The following PPM1H variants were observed in gnomAD, a reference collection of about 807,000 sequenced individuals.
The protein encoded by PPM1H is protein phosphatase, Mg2+/Mn2+ dependent 1H, also known as protein phosphatase 1H.
A neutral mutation model predicts 54.9 loss-of-function variants in PPM1H; 27 were observed. That is an observed-to-expected ratio of 0.49 (90% CI 0.36 to 0.68). PPM1H has a LOEUF of 0.68. Among genes scored for constraint, PPM1H ranks in the 30% least tolerant of loss-of-function variants. The pLI, the probability that PPM1H is intolerant of heterozygous loss-of-function variation, is 0.00. For synonymous variants in PPM1H, 305 were observed against 270.8 expected, an observed-to-expected ratio of 1.13 and a Z score of -1.24; for missense variants, 596 against 667.8, an observed-to-expected ratio of 0.89 and a Z score of 1.19.
At chr12:62,706,609 T>C (rs1413127677) in intron 6 of PPM1H, among the ~76,000 whole-genome samples, 4 of 152,204 alleles carry the variant, frequency 2.6e-5, no homozygotes, top group African/African-American at 9.7e-5. Context: ...ATAGAAACAT[T>C]ATCCTCATTA....
chr12:62,737,551 A>G lies in PPM1H; in HGVS notation c.905T>C (p.Met302Thr). The G allele has an allele frequency of 6.3e-7, 1 of 1,587,392 alleles. No individual in the cohort carries two copies. Among genetic ancestry groups the G allele is most frequent in the Non-Finnish European group, 8.6e-7 (1 of 1,165,904 alleles). ...CGTCTCGGGGGTAAATTCTGAAGAC[A>G]TGGGGATAATTTCTCCATTTCTGAT... Reference protein sequence around the residue: ...IIIRNGEIIPMSSEFTPETER... With the variant: ...IIIRNGEIIPTSSEFTPETER... The change falls in exon 5 of 10, where the codon ATG (methionine) becomes ACG (threonine). Residue 302 changes from methionine to threonine, a missense_variant. This residue lies in a region of PPM1H where 6 missense variants were observed against 21.2 expected (regional missense o/e 0.28). Coordinates refer to ENST00000228705, the MANE Select transcript of PPM1H (RefSeq NM_020700.2).
At chr12:62,655,181 T>G (rs1207633815) in intron 9 of PPM1H, among the ~76,000 whole-genome samples, 1 of 152,146 alleles carries the variant, frequency 6.6e-6, no homozygotes. Context: ...ATAGATTCAT[T>G]AACTCAACAC....
chr12:62,757,760 A>G (rs2076484712), intron 4 of PPM1H, among the ~76,000 whole-genome samples: 1 of 152,228 alleles, frequency 6.6e-6, no homozygotes, highest in Admixed American at 6.5e-5. Context: ...CCCAATTTCT[A>G]TGGACTTATC....
chr12:62,783,914 A>G, intron 4 of PPM1H, among the ~76,000 whole-genome samples: 1 of 152,206 alleles, frequency 6.6e-6, no homozygotes. Context: ...TGATCTCTAA[A>G]ATGGAGTTCC....
At chr12:62,899,295 G>A (rs1871087756) in intron 1 of PPM1H, among the ~76,000 whole-genome samples, 1 of 152,104 alleles carries the variant, frequency 6.6e-6, no homozygotes, top group Admixed American at 6.6e-5. Flanking sequence ...CAAAAGCTGG[G>A]CGTGGTGGCT....
chr12:62,777,329 A>C (rs11174643), intron 4 of PPM1H, among the ~76,000 whole-genome samples: 19,550 of 152,136 alleles, frequency 0.13, 1,592 homozygotes, highest in African/African-American at 0.24. Context: ...TTGTAAATGG[A>C]TGCCTGACTG....
intron 2 of PPM1H, among the ~76,000 whole-genome samples, chr12:62,822,570 G>C (rs2076910832): frequency 6.6e-6 from 1 of 152,118 alleles, no homozygotes; most frequent in South Asian, 2.1e-4. Context: ...AATCAAATTA[G>C]AACTCAGGAT....
chr12:62,728,205 T>A (rs922846296), intron 5 of PPM1H, among the ~76,000 whole-genome samples: 2 of 152,258 alleles, frequency 1.3e-5, no homozygotes, highest in African/African-American at 4.8e-5. Flanking sequence ...CCAAGACTCT[T>A]AGGGACTCTA....
chr12:62,842,476 T>G (rs1868788881), intron 1 of PPM1H, among the ~76,000 whole-genome samples: 1 of 152,198 alleles, frequency 6.6e-6, no homozygotes, highest in Non-Finnish European at 1.5e-5. Context: ...ACAGAAGTAT[T>G]CTAATCTCAA....
In PPM1H at chr12:62,801,887, A is replaced by C. The variant is rs201432518; in HGVS notation, c.685T>G (p.Phe229Val). The stretch of plus-strand genomic sequence containing the variant: ...TGGGGAATCTTCTTCTCGGTAAAGA[A>C]GCGTGTGGGGGGCGTGCTGGGGGAG... ...PGSPSTPPTRFFTEKKIPHEC... is the reference protein window; with the variant it reads ...PGSPSTPPTRVFTEKKIPHEC... The change falls in exon 3 of 10, where the codon TTC becomes GTC. Residue 229 changes from phenylalanine to valine, a missense_variant. By Grantham distance (50) the Phe-to-Val change is conservative. Transcript: ENST00000228705. 33 of 1,613,718 alleles carry C rather than the reference A, an allele frequency of 2.0e-5. No homozygotes were observed. The highest frequency in any genetic ancestry group is 1.6e-4 in the Middle Eastern group (1 of 6,084).
intron 1 of PPM1H, among the ~76,000 whole-genome samples, chr12:62,893,400 T>C (rs561632948): frequency 7.2e-5 from 11 of 152,256 alleles, no homozygotes; most frequent in Admixed American, 2.0e-4. Flanking sequence ...AATCTCCTTT[T>C]CTTATAAGGA....
rs565908047 is a variant in PPM1H, at chr12:62,844,967, T to C, written c.246-12688A>G. Among the ~76,000 whole-genome samples, 1 of 152,326 alleles carries C rather than the reference T, an allele frequency of 6.6e-6. No individual in the cohort carries two copies. The highest frequency in any genetic ancestry group is 1.9e-4 in the East Asian group (1 of 5,186). On this transcript the variant is annotated intron_variant, in intron 1 of 9. Coordinates refer to ENST00000228705, the MANE Select transcript of PPM1H (RefSeq NM_020700.2). This position sits in a 1 kb window ranked among gnomAD's most constrained non-coding sequence, Gnocchi z 5.2. Reference sequence around the variant, plus strand: ...GATATGTTAAAGTGACCCCTAAACATTCTCCAGCAAAGAAGTAGCTGATAG... The same window carrying C: ...GATATGTTAAAGTGACCCCTAAACACTCTCCAGCAAAGAAGTAGCTGATAG...
chr12:62,914,703 C>T (rs1660193879), intron 1 of PPM1H, among the ~76,000 whole-genome samples: 1 of 152,182 alleles, frequency 6.6e-6, no homozygotes, highest in African/African-American at 2.4e-5. Context: ...CAATTATATG[C>T]ATCAGCCTAG....
At chr12:62,751,846 G>A (rs933022316) in intron 4 of PPM1H, among the ~76,000 whole-genome samples, 12 of 152,204 alleles carry the variant, frequency 7.9e-5, no homozygotes, top group Admixed American at 7.2e-4. Flanking sequence ...TTCAAAATAA[G>A]TTATATTACT....
intron 1 of PPM1H, among the ~76,000 whole-genome samples, chr12:62,889,011 C>G (rs181207659): frequency 6.8e-4 from 103 of 152,260 alleles, no homozygotes; most frequent in African/African-American, 2.3e-3. Flanking sequence ...TCAAACTAAA[C>G]TACCTAGAAT....
intron 9 of PPM1H, among the ~76,000 whole-genome samples, chr12:62,653,957 C>A (rs2075829516): frequency 1.3e-5 from 2 of 152,150 alleles, no homozygotes; most frequent in African/African-American, 4.8e-5. Flanking sequence ...ATAGAAAACA[C>A]CTGGCCAGGT....
intron 2 of PPM1H, among the ~76,000 whole-genome samples, chr12:62,821,191 A>C (rs1238175253): frequency 2.0e-5 from 3 of 152,250 alleles, no homozygotes; most frequent in Non-Finnish European, 4.4e-5. Flanking sequence ...GATCAAATTA[A>C]TGAAACAAAG....
chr12:62,647,603 A>C lies in PPM1H; in HGVS notation c.*886T>G, dbSNP rs999200778. ...TCCAGACTCTCACAGAGAACCCTTGAGCCACACAGGAAGACCACTGAAGAC... is the reference window on the plus strand; with the variant it reads ...TCCAGACTCTCACAGAGAACCCTTGCGCCACACAGGAAGACCACTGAAGAC... On this transcript the variant is annotated 3_prime_UTR_variant, in exon 10 of 10. Transcript: ENST00000228705. The C allele has an allele frequency of 1.3e-5, 2 of 152,308 alleles. No homozygotes were observed. The highest frequency in any genetic ancestry group is 2.4e-5 in the African/African-American group (1 of 41,454). 9.4% of individuals were successfully genotyped at this position (152,308 alleles called of 1,614,324 possible). A position where few individuals can be genotyped will look rare whatever the true frequency, so the allele number is the denominator to read the frequency against.
At chr12:62,679,325 C>A (rs1472348722) in intron 8 of PPM1H, among the ~76,000 whole-genome samples, 2 of 152,134 alleles carry the variant, frequency 1.3e-5, no homozygotes, top group Non-Finnish European at 1.5e-5. Context: ...CAAAAATATT[C>A]AAAGTGGTGG....
Sources: gnomAD v4.1 joint callset for allele counts (sites outside exome capture counted in the v4.1 genomes callset) on GRCh38, gnomAD v4.1.1 for gene constraint, gnomAD v4.1.1 regional missense constraint, Gnocchi (gnomAD v3.1) non-coding constraint, MANE v1.5 for transcripts, NCBI Gene and HGNC (gene_info 2026-07-23, HGNC 2026-07-21) for gene names.